The following MAP7 variants were observed in gnomAD, a reference collection of about 807,000 sequenced individuals.
MAP7 encodes the protein microtubule associated protein 7.
MAP7 carries 52 observed loss-of-function variants against 94.8 expected under a neutral mutation model. The ratio of observed to expected loss-of-function variants is 0.55; its 90% CI spans 0.44 to 0.69. The LOEUF (loss-of-function observed/expected upper bound fraction) is 0.69. Among genes scored for constraint, MAP7 ranks in the 30% least tolerant of loss-of-function variants. The pLI, the probability that MAP7 is intolerant of heterozygous loss-of-function variation, is 0.00. For missense variants in MAP7, 940 were observed against 964.6 expected, an observed-to-expected ratio of 0.97 and a Z score of 0.34; for synonymous variants, 350 against 357.0, an observed-to-expected ratio of 0.98 and a Z score of 0.22.
intron 10 of MAP7, chr6:136,364,055 T>A (rs374315546): frequency 2.7e-4 from 71 of 263,542 alleles, no homozygotes; most frequent in African/African-American, 1.5e-3. Context: ...TAGGGCCACA[T>A]TGAAGTGGAA....
intron 1 of MAP7, among the ~76,000 whole-genome samples, chr6:136,545,910 C>A (rs777514179): frequency 1.3e-5 from 2 of 152,190 alleles, no homozygotes; most frequent in Non-Finnish European, 2.9e-5. Context: ...GTGTTACAAA[C>A]AATCCAATTA....
chr6:136,413,593 G>A (rs940483460), intron 2 of MAP7, among the ~76,000 whole-genome samples: 10 of 151,548 alleles, frequency 6.6e-5, no homozygotes, highest in African/African-American at 1.2e-4. Context: ...CAAATGTAAA[G>A]GCCTGCATCC....
At chr6:136,512,287 G>A (rs1247655698) in intron 1 of MAP7, among the ~76,000 whole-genome samples, 1 of 152,264 alleles carries the variant, frequency 6.6e-6, no homozygotes, top group Non-Finnish European at 1.5e-5. Flanking sequence ...AGCACCCATG[G>A]ACTAAGAGGT....
At chr6:136,372,385 G>A in intron 8 of MAP7, 116 bp downstream of exon 8, 1 of 1,184,634 alleles carries the variant, frequency 8.4e-7, no homozygotes, top group South Asian at 1.6e-5. Context: ...AGATGGGATG[G>A]TGGATGTCAC....
chr6:136,364,414 A>C (rs959865157), intron 10 of MAP7: 1 of 346,644 alleles, frequency 2.9e-6, no homozygotes, highest in East Asian at 8.3e-5. Flanking sequence ...CAAAGAAAAG[A>C]GAGTCTGAGG....
At chr6:136,365,313 C>G (rs1793979821) in intron 10 of MAP7, among the ~76,000 whole-genome samples, 2 of 152,116 alleles carry the variant, frequency 1.3e-5, no homozygotes, top group Non-Finnish European at 2.9e-5. Flanking sequence ...CAAATTAAGT[C>G]TTAAGTAGAA....
At chr6:136,423,739 AC>A (rs1174240310) in intron 1 of MAP7, among the ~76,000 whole-genome samples, 2 of 150,532 alleles carry the variant, frequency 1.3e-5, no homozygotes, top group African/African-American at 2.4e-5. Context: ...AAAAAAAAAA[AC>A]AAAACCTCAG....
intron 3 of MAP7, among the ~76,000 whole-genome samples, chr6:136,409,226 T>C (rs1582825402): frequency 6.6e-6 from 1 of 152,162 alleles, no homozygotes; most frequent in Non-Finnish European, 1.5e-5. Context: ...GGGGTAAGAA[T>C]AAAGAGAAAA....
In MAP7 at chr6:136,381,877, T is replaced by TACACACACACACACACACAC. The variant is rs1156527948; in HGVS notation, c.637+1774_637+1793dup. On this transcript the variant is annotated intron_variant, in intron 6 of 17. Coordinates refer to ENST00000354570, the MANE Select transcript of MAP7 (RefSeq NM_003980.6). Reference sequence around the variant, plus strand: ...CTCTACTCCTTACCACTTCTAACCTTACACACACACACACACACACACACA... The same window carrying TACACACACACACACACACAC: ...CTCTACTCCTTACCACTTCTAACCTTACACACACACACACACACACACACACACACACACACACACACACA... Among the ~76,000 whole-genome samples, 96 of 93,002 alleles carry TACACACACACACACACACAC rather than the reference T, an allele frequency of 1.0e-3. 2 individuals carry two copies. Among genetic ancestry groups the TACACACACACACACACACAC allele is most frequent in the East Asian group, 5.8e-3 (19 of 3,248 alleles). The allele number at this position is 93,002 out of a possible 152,430, so 61.0% of individuals were successfully genotyped here. A position where few individuals can be genotyped will look rare whatever the true frequency, so the allele number is the denominator to read the frequency against.
intron 1 of MAP7, among the ~76,000 whole-genome samples, chr6:136,441,366 AC>A (rs531353456): frequency 7.2e-4 from 110 of 152,336 alleles, no homozygotes; most frequent in Middle Eastern, 3.4e-3. Context: ...TTGCAAAAAA[AC>A]AAATTCAGGA....
chr6:136,515,827 T>C (rs1039755846), intron 1 of MAP7, among the ~76,000 whole-genome samples: 3 of 152,144 alleles, frequency 2.0e-5, no homozygotes, highest in Non-Finnish European at 4.4e-5. Flanking sequence ...ATTACCAATA[T>C]GTGATGCAGA....
chr6:136,427,576 A>T (rs746508757), intron 1 of MAP7, among the ~76,000 whole-genome samples: 1 of 152,262 alleles, frequency 6.6e-6, no homozygotes, highest in Non-Finnish European at 1.5e-5. Flanking sequence ...ATTTTGAAAC[A>T]GAAATAACAA....
At chr6:136,360,108 A>C (rs1158252186) in intron 13 of MAP7, 77 bp from the exon 14 acceptor site, 10 of 1,125,218 alleles carry the variant, frequency 8.9e-6, no homozygotes, top group African/African-American at 3.1e-5. Flanking sequence ...CTGATGAAAT[A>C]GATTATTTAA....
intron 7 of MAP7, among the ~76,000 whole-genome samples, chr6:136,376,529 G>A (rs767653554): frequency 6.0e-4 from 91 of 152,232 alleles, no homozygotes; most frequent in Admixed American, 1.4e-3. Context: ...GAAAACCTCA[G>A]ATGCAATGTG....
intron 1 of MAP7, among the ~76,000 whole-genome samples, chr6:136,440,755 T>C (rs1395566076): frequency 1.3e-5 from 2 of 151,826 alleles, no homozygotes; most frequent in East Asian, 3.9e-4. Context: ...AAGGATATAA[T>C]ACTCTCAAAT....
chr6:136,402,960 A>G (rs988991377), intron 3 of MAP7, among the ~76,000 whole-genome samples: 2 of 149,752 alleles, frequency 1.3e-5, no homozygotes, highest in Non-Finnish European at 3.0e-5. Context: ...AAGAAAAAGA[A>G]AGGACTTACT....
chr6:136,427,788 T>C (rs1279101845), intron 1 of MAP7, among the ~76,000 whole-genome samples: 2 of 152,226 alleles, frequency 1.3e-5, no homozygotes, highest in Non-Finnish European at 2.9e-5. Flanking sequence ...TTGGTGGCTA[T>C]GGTAGACTTC....
At chr6:136,465,752 T>A (rs1806810997) in intron 1 of MAP7, among the ~76,000 whole-genome samples, 1 of 152,188 alleles carries the variant, frequency 6.6e-6, no homozygotes, top group South Asian at 2.1e-4. Context: ...CTCTATATTT[T>A]ATAATCATAA....
intron 1 of MAP7, among the ~76,000 whole-genome samples, chr6:136,497,795 C>T (rs1462772750): frequency 2.1e-5 from 1 of 47,970 alleles, no homozygotes; most frequent in Non-Finnish European, 3.6e-5. Flanking sequence ...CAGACTCTGT[C>T]ACAAAAAAAA....
Sources: allele counts gnomAD v4.1 joint callset (sites outside exome capture counted in the v4.1 genomes callset), GRCh38; gene constraint gnomAD v4.1.1; transcripts MANE v1.5; gene names NCBI Gene and HGNC (gene_info 2026-07-23, HGNC 2026-07-21).